The following WDR43 variants were observed in gnomAD, a reference collection of about 807,000 sequenced individuals.
WDR43 encodes the protein WD repeat-containing protein 43.
In WDR43, 13 loss-of-function variants were observed where a neutral mutation model predicts 91.4. The observed-to-expected ratio is 0.14, with a 90% CI of 0.09 to 0.23. WDR43 has a LOEUF of 0.23. WDR43 is among the 10% of genes least tolerant of loss of function. WDR43 has a pLI of 1.00. For missense variants in WDR43, 780 were observed against 809.4 expected (o/e 0.96, Z 0.44); for synonymous variants, 331 against 287.9 (o/e 1.15, Z -1.51).
intron 14 of WDR43, among the ~76,000 whole-genome samples, chr2:28,940,977 T>G (rs1171848075): frequency 1.3e-5 from 2 of 152,176 alleles, no homozygotes; most frequent in Non-Finnish European, 2.9e-5. Flanking sequence ...ATGCAAAAGG[T>G]CAACTTTGTA....
At chr2:28,915,570 G>A (rs4273183) in intron 5 of WDR43, among the ~76,000 whole-genome samples, 39,243 of 152,166 alleles carry the variant, frequency 0.26, 6,281 homozygotes, top group East Asian at 0.77. Context: ...AATAAAGGAA[G>A]TAAACTTAAA....
At position 28,936,995 on chromosome 2, in the gene WDR43, G is replaced by A. The variant is rs767609190; in HGVS notation, c.1556+42G>A. 8 of 1,537,348 alleles carry A rather than the reference G, an allele frequency of 5.2e-6. No homozygotes were observed. The South Asian group carries it at 8.6e-5, about 16-fold the overall frequency. The stretch of plus-strand genomic sequence containing the variant: ...GACTTAAAAACAGTGTTGTCTGACA[G>A]CATGAAATTAAATATTAGGTGGTTC... On this transcript the variant is annotated intron_variant, in intron 13 of 17. Coordinates refer to ENST00000407426, the MANE Select transcript of WDR43 (RefSeq NM_015131.3).
Position 28,926,528 on chromosome 2 carries a change from C to G in WDR43, c.1147C>G (p.Pro383Ala). 5 of 1,598,812 alleles carry G rather than the reference C, an allele frequency of 3.1e-6. No individual in the cohort carries two copies. The highest frequency in any genetic ancestry group is 4.3e-6 in the Non-Finnish European group (5 of 1,171,840). Residue 383 changes from proline (P) to alanine (A), a missense_variant, in exon 9 of 18, where the codon CCC becomes GCC. Physicochemically the swap from Pro to Ala is conservative, Grantham distance 27. Coordinates refer to ENST00000407426, the MANE Select transcript of WDR43 (RefSeq NM_015131.3). ...LVRDISNCWA[P>A]KVETAITKVR... ...AAGAGATATTTCAAACTGCTGGGCCCCCAAAGTAGAAACAGCTATAACAAA... is the reference window on the plus strand; with the variant it reads ...AAGAGATATTTCAAACTGCTGGGCCGCCAAAGTAGAAACAGCTATAACAAA...
chr2:28,944,496 G>T lies in WDR43; in HGVS notation c.1805-1954G>T, dbSNP rs990706967. 1.2e-4 allele frequency among the ~76,000 whole-genome samples: 19 copies of T among 152,198 alleles called. No individual in the cohort carries two copies. In the East Asian group the frequency reaches 1.7e-3, roughly 14 times the overall value. On this transcript the variant is annotated intron_variant, in intron 16 of 17. Coordinates refer to ENST00000407426, the MANE Select transcript of WDR43 (RefSeq NM_015131.3). Reference sequence around the variant, plus strand: ...CATAGCTTTAAAACATATATGTAGAGATTATATAAGTATGTTCATTGCAGC... The same window carrying T: ...CATAGCTTTAAAACATATATGTAGATATTATATAAGTATGTTCATTGCAGC...
intron 16 of WDR43, among the ~76,000 whole-genome samples, chr2:28,942,843 C>T (rs1183752841): frequency 6.6e-6 from 1 of 151,938 alleles, no homozygotes; most frequent in Non-Finnish European, 1.5e-5. Flanking sequence ...TCTCAAACTC[C>T]TGGGCTCAAG....
At chr2:28,924,904 G>A in intron 7 of WDR43, 78 bp from the exon 8 acceptor site, 1 of 1,524,532 alleles carries the variant, frequency 6.6e-7, no homozygotes, top group Non-Finnish European at 8.8e-7. Flanking sequence ...CACATTTCGT[G>A]ACTTGATGTC....
At chr2:28,935,636 T>G (rs781268894) in intron 12 of WDR43, 29 bp downstream of exon 12, 1 of 1,469,460 alleles carries the variant, frequency 6.8e-7, no homozygotes, top group East Asian at 2.4e-5. Flanking sequence ...CATTTCAGCA[T>G]CCTAATGCCA....
chr2:28,895,110 T>A, intron 1 of WDR43, 187 bp downstream of exon 1: 1 of 488,692 alleles, frequency 2.0e-6, no homozygotes. Flanking sequence ...GCGAGGGCAG[T>A]GAGGGAGGGC....
intron 15 of WDR43, 104 bp downstream of exon 15, chr2:28,941,678 T>A (rs1038529860): frequency 2.4e-6 from 2 of 846,336 alleles, no homozygotes; most frequent in African/African-American, 3.4e-5. Flanking sequence ...TCGCTCAGGC[T>A]GCACTGCGGT....
chr2:28,941,188 A>C (rs935569674), intron 14 of WDR43, among the ~76,000 whole-genome samples: 3 of 152,220 alleles, frequency 2.0e-5, no homozygotes, highest in African/African-American at 7.2e-5. Flanking sequence ...TAGTTTGATC[A>C]ATACAGAAAA....
intron 7 of WDR43, among the ~76,000 whole-genome samples, chr2:28,924,539 T>C (rs1043901583): frequency 6.6e-6 from 1 of 151,712 alleles, no homozygotes; most frequent in African/African-American, 2.4e-5. Context: ...AGAGGAAGAA[T>C]GTGAAGAGAG....
chr2:28,924,311 G>A (rs1671088785), intron 7 of WDR43, among the ~76,000 whole-genome samples: 1 of 152,198 alleles, frequency 6.6e-6, no homozygotes, highest in Non-Finnish European at 1.5e-5. Context: ...AATGTGGATG[G>A]TGGCAGAGAT....
chr2:28,914,142 C>G lies in WDR43; in HGVS notation c.680C>G (p.Pro227Arg). Residue 227 changes from proline (P) to arginine (R), a missense_variant, in exon 5 of 18, where the codon CCC (proline) becomes CGC (arginine). Transcript: ENST00000407426. ...ATCAGACCTCCTAATGAGAGCCAGC[C>G]CTTTGATGGAATTACAGGTCTTTAT... is the stretch of plus-strand genomic sequence containing the variant. ...TTIRPPNESQ[P>R]FDGITGLYFL... 1.2e-6 allele frequency: 2 copies of G among 1,613,926 alleles called. No individual in the cohort carries two copies. The highest frequency in any genetic ancestry group is 1.7e-6 in the Non-Finnish European group (2 of 1,179,870).
chr2:28,913,461 C>G (rs1431288385), intron 4 of WDR43, among the ~76,000 whole-genome samples: 1 of 152,212 alleles, frequency 6.6e-6, no homozygotes, highest in Non-Finnish European at 1.5e-5. Context: ...TCCTGAGTAG[C>G]TGGGAGTATA....
At chr2:28,904,473 A>C (rs1190576297) in intron 2 of WDR43, among the ~76,000 whole-genome samples, 4 of 152,254 alleles carry the variant, frequency 2.6e-5, no homozygotes, top group African/African-American at 9.6e-5. Context: ...TTGCTTTCCA[A>C]AAGGGTATGC....
chr2:28,927,248 G>A, intron 9 of WDR43: 1 of 488,418 alleles, frequency 2.0e-6, no homozygotes, highest in Non-Finnish European at 4.1e-6. Context: ...GTTTTTTAAA[G>A]CCAGTTGAAT....
chr2:28,918,603 A>G (rs1670962300), intron 6 of WDR43, among the ~76,000 whole-genome samples: 1 of 152,102 alleles, frequency 6.6e-6, no homozygotes. Flanking sequence ...TCCCCACCTC[A>G]GGTGATCCGC....
chr2:28,925,474 A>G (rs915152042), intron 8 of WDR43, among the ~76,000 whole-genome samples: 2 of 152,190 alleles, frequency 1.3e-5, no homozygotes, highest in Non-Finnish European at 2.9e-5. Flanking sequence ...TCAGTGCCAC[A>G]TGTTCCTAGT....
rs773097730 is a variant in WDR43 at position 28,938,008 on chromosome 2, G to A, written c.1620+14G>A. On this transcript the variant is annotated intron_variant, in intron 14 of 17. Coordinates refer to ENST00000407426, the MANE Select transcript of WDR43 (RefSeq NM_015131.3). ...TACCTGTCCACGGTGAGTCTTTTCA[G>A]CTTCTGTTGCCGAGTATGAATAGTT... 17 of 1,611,070 alleles carry A rather than the reference G, an allele frequency of 1.1e-5. 1 individual carries two copies. The South Asian group carries it at 1.3e-4, about 13-fold the overall frequency.
Sources: gnomAD v4.1 joint callset for allele counts (sites outside exome capture counted in the v4.1 genomes callset) on GRCh38, gnomAD v4.1.1 for gene constraint, MANE v1.5 for transcripts, NCBI Gene and HGNC (gene_info 2026-07-23, HGNC 2026-07-21) for gene names.